The following FMNL2 variants were observed in gnomAD, a reference collection of about 807,000 sequenced individuals.
FMNL2 encodes the protein formin like 2, also known as formin-like protein 2.
A neutral mutation model predicts 130.2 loss-of-function variants in FMNL2; 51 were observed. The observed-to-expected ratio is 0.39, with a 90% CI of 0.31 to 0.49. FMNL2 has a LOEUF of 0.49. FMNL2 is among the 20% of genes least tolerant of loss of function. The pLI, the probability that FMNL2 is intolerant of heterozygous loss-of-function variation, is 0.85. For synonymous variants in FMNL2, 465 were observed against 467.1 expected (o/e 1.00, Z 0.06); for missense variants, 977 against 1,316.2 (o/e 0.74, Z 3.99).
At chr2:152,620,973 C>T (rs1463902584) in intron 15 of FMNL2, 1 of 985,286 alleles carries the variant, frequency 1.0e-6, no homozygotes, top group African/African-American at 1.7e-5. Flanking sequence ...ACTTTTATTA[C>T]TTCTGAAGGA....
chr2:152,582,349 A>G (rs769919519), intron 9 of FMNL2, among the ~76,000 whole-genome samples: 24 of 152,224 alleles, frequency 1.6e-4, no homozygotes, highest in Non-Finnish European at 2.9e-4. Flanking sequence ...GCCTCTGCAT[A>G]GGCTGGGAAG....
chr2:152,399,728 T>C (rs2881335), intron 1 of FMNL2, among the ~76,000 whole-genome samples: 124,019 of 152,168 alleles, frequency 0.82, 50,931 homozygotes, highest in East Asian at 0.94. Flanking sequence ...GGGCAGAATT[T>C]GTAAGGCTTT....
intron 23 of FMNL2, 123 bp from the exon 24 acceptor site, chr2:152,639,835 T>TCG: frequency 1.3e-6 from 1 of 794,876 alleles, no homozygotes; most frequent in Non-Finnish European, 2.0e-6. Flanking sequence ...AGTGTAGATC[T>TCG]TCTCAACCTT....
At chr2:152,403,276 G>T (rs1165253250) in intron 1 of FMNL2, among the ~76,000 whole-genome samples, 1 of 151,378 alleles carries the variant, frequency 6.6e-6, no homozygotes, top group Non-Finnish European at 1.5e-5. Flanking sequence ...AACCCAAACA[G>T]CTCTGTCATC....
rs760942899 is a variant in FMNL2 at position 152,578,921 on chromosome 2, G to A, written c.739G>A (p.Ala247Thr). The A allele has an allele frequency of 6.8e-6, 11 of 1,612,928 alleles. No homozygotes were observed. The highest frequency in any genetic ancestry group is 2.2e-5 in the East Asian group (1 of 44,848). Residue 247 changes from alanine (A) to threonine (T), a missense_variant, in exon 8 of 26, where the codon GCT becomes ACT. Around this residue, in one of 4 missense-constraint regions of FMNL2, gnomAD observed 689 missense variants for 995.9 expected, o/e 0.69. Transcript: ENST00000288670. ...GFNMVMSHPH[A>T]VNEIALSLNN... is the part of the protein sequence containing the mutation. ...CAACATGGTCATGTCTCATCCACAC[G>A]CTGTCAATGAGATTGCACTAAGCCT...
intron 22 of FMNL2, 130 bp downstream of exon 22, chr2:152,636,720 C>G (rs1049877821): frequency 8.9e-7 from 1 of 1,122,568 alleles, no homozygotes; most frequent in African/African-American, 1.6e-5. Context: ...CTTGTTGTAA[C>G]TATTATTTAT....
chr2:152,555,954 G>A (rs1166412802), intron 4 of FMNL2, among the ~76,000 whole-genome samples: 1 of 152,148 alleles, frequency 6.6e-6, no homozygotes, highest in Non-Finnish European at 1.5e-5. Flanking sequence ...GCAAAATGAG[G>A]CATCCATATT....
chr2:152,478,003 A>G (rs1429150895), intron 1 of FMNL2, among the ~76,000 whole-genome samples: 1 of 151,964 alleles, frequency 6.6e-6, no homozygotes, highest in Non-Finnish European at 1.5e-5. Flanking sequence ...TCTAAACACT[A>G]TTATTGATCA....
intron 4 of FMNL2, among the ~76,000 whole-genome samples, chr2:152,554,332 A>G (rs1558959315): frequency 6.6e-6 from 1 of 152,202 alleles, no homozygotes; most frequent in South Asian, 2.1e-4. Flanking sequence ...ACTTGAGCCC[A>G]GGAGGTTGAG....
At chr2:152,567,005 G>A (rs1277052093) in intron 6 of FMNL2, among the ~76,000 whole-genome samples, 1 of 152,168 alleles carries the variant, frequency 6.6e-6, no homozygotes, top group Non-Finnish European at 1.5e-5. Flanking sequence ...GACAGTTTAT[G>A]TACTATTCTG....
chr2:152,567,834 G>T (rs1185004967), intron 6 of FMNL2, among the ~76,000 whole-genome samples: 1 of 152,186 alleles, frequency 6.6e-6, no homozygotes, highest in Non-Finnish European at 1.5e-5. Flanking sequence ...GATCTGAATA[G>T]TGTGACAGAC....
intron 1 of FMNL2, among the ~76,000 whole-genome samples, chr2:152,421,778 T>C (rs1382020838): frequency 2.0e-5 from 3 of 152,204 alleles, no homozygotes; most frequent in Admixed American, 1.3e-4. Context: ...AGTGATGTTA[T>C]AGAAATTGCG....
intron 1 of FMNL2, among the ~76,000 whole-genome samples, chr2:152,429,814 G>A (rs533822711): frequency 4.6e-5 from 7 of 152,264 alleles, no homozygotes; most frequent in South Asian, 2.1e-4. Context: ...CTAAGCAGTC[G>A]AAATTTCTGT....
rs1683863086 is a variant in FMNL2 at position 152,649,133 on chromosome 2, A to T, written c.*1228A>T. 6.6e-6 allele frequency: 1 copy of T among 152,624 alleles called. No individual in the cohort carries two copies. The highest frequency in any genetic ancestry group is 1.9e-4 in the East Asian group (1 of 5,194). 9.5% of individuals were successfully genotyped at this position (152,624 alleles called of 1,614,324 possible). ...TTGTAAAGTTTATTGTATAGTATTTAACCGCTGAAGTTCCTATTTTATGTT... is the reference window on the plus strand; with the variant it reads ...TTGTAAAGTTTATTGTATAGTATTTTACCGCTGAAGTTCCTATTTTATGTT... On this transcript the variant is annotated 3_prime_UTR_variant, in exon 26 of 26. Transcript: ENST00000288670.
chr2:152,402,419 C>T (rs989886504), intron 1 of FMNL2, among the ~76,000 whole-genome samples: 1 of 152,092 alleles, frequency 6.6e-6, no homozygotes, highest in Non-Finnish European at 1.5e-5. Flanking sequence ...GCAGAAAGTG[C>T]CAATTGGATC....
chr2:152,407,039 T>G lies in FMNL2; in HGVS notation c.117+71319T>G, dbSNP rs540540109. Among the ~76,000 whole-genome samples the G allele has an allele frequency of 6.0e-4, 91 of 152,294 alleles. 1 individual carries two copies. Among genetic ancestry groups the G allele is most frequent in the Middle Eastern group, 6.8e-3 (2 of 294 alleles). On this transcript the variant is annotated intron_variant, in intron 1 of 25. Transcript: ENST00000288670. ...CCCACCTGAAAAAGTCAGGAAAATA[T>G]TATTTTCCATACTGGGTTGCTGGGA...
chr2:152,395,072 CCTTAA>C (rs1685319518), intron 1 of FMNL2, among the ~76,000 whole-genome samples: 1 of 152,092 alleles, frequency 6.6e-6, no homozygotes, highest in African/African-American at 2.4e-5. Context: ...GATGGATTTG[CCTTAA>C]CTTATTTTTC....
At chr2:152,484,504 G>T (rs957160240) in intron 1 of FMNL2, among the ~76,000 whole-genome samples, 1 of 151,928 alleles carries the variant, frequency 6.6e-6, no homozygotes, top group Admixed American at 6.6e-5. Context: ...GGAAGTGGTG[G>T]TGCCTACCCA....
chr2:152,517,030 A>G (rs906202458), intron 1 of FMNL2, among the ~76,000 whole-genome samples: 6 of 152,194 alleles, frequency 3.9e-5, no homozygotes, highest in African/African-American at 1.4e-4. Flanking sequence ...CATACATGTA[A>G]CTACCACTTG....
Sources: gnomAD v4.1 joint callset for allele counts (sites outside exome capture counted in the v4.1 genomes callset) on GRCh38, gnomAD v4.1.1 for gene constraint, gnomAD v4.1.1 regional missense constraint, MANE v1.5 for transcripts, NCBI Gene and HGNC (gene_info 2026-07-23, HGNC 2026-07-21) for gene names.